Variants in TJP2 observed in about 807,000 individuals in gnomAD.
TJP2 encodes the protein tight junction protein 2.
In TJP2, 91 loss-of-function variants were observed where a neutral mutation model predicts 133.1. The observed-to-expected ratio is 0.68, with a 90% CI of 0.58 to 0.81. The LOEUF (loss-of-function observed/expected upper bound fraction) is 0.81, where lower values mean the gene tolerates loss of function less well. Among genes scored for constraint, TJP2 ranks in the 40% least tolerant of loss-of-function variants. TJP2 has a pLI of 0.00. For missense variants in TJP2, 1,541 were observed against 1,565.6 expected (o/e 0.98, Z 0.26); for synonymous variants, 592 against 583.4 (o/e 1.01, Z -0.21).
In TJP2 at chr9:69,128,036, C is replaced by A. The variant is rs1367872422; in HGVS notation, c.-131+6311C>A. On this transcript the variant is annotated intron_variant, in intron 1 of 5. Transcript: ENST00000423935. ...CAAGCAGTCCTCCTGTCTCGGCCTCCCAAAGTGCTAAGATTATAGGTGTGA... is the reference window on the plus strand; with the variant it reads ...CAAGCAGTCCTCCTGTCTCGGCCTCACAAAGTGCTAAGATTATAGGTGTGA... Among the ~76,000 whole-genome samples the A allele has an allele frequency of 4.0e-5, 3 of 75,190 alleles. 1 individual carries two copies. The highest frequency in any genetic ancestry group is 1.2e-4 in the African/African-American group (3 of 24,510). 49.3% of individuals were successfully genotyped at this position (75,190 alleles called of 152,430 possible).
intron 2 of TJP2, among the ~76,000 whole-genome samples, chr9:69,162,861 G>C (rs1463390733): frequency 6.6e-6 from 1 of 152,126 alleles, no homozygotes; most frequent in Admixed American, 6.5e-5. Context: ...CATAGTTTGA[G>C]TGAATAAACA....
At chr9:69,229,134 G>A (rs759508700) in intron 9 of TJP2, 50 bp from the exon 10 acceptor site, 5 of 1,525,788 alleles carry the variant, frequency 3.3e-6, no homozygotes, top group Non-Finnish European at 4.5e-6. Flanking sequence ...ATTTAGAAAC[G>A]CACTCTTGTT....
At chr9:69,139,314 C>T (rs1303177847) in intron 1 of TJP2, among the ~76,000 whole-genome samples, 2 of 152,168 alleles carry the variant, frequency 1.3e-5, no homozygotes, top group East Asian at 1.9e-4. Flanking sequence ...CAAGTCCTAA[C>T]CCCCAGTTCC....
chr9:69,254,048 T>C (rs1831529744), intron 22 of TJP2, 161 bp from the exon 23 acceptor site: 12 of 838,072 alleles, frequency 1.4e-5, no homozygotes, highest in South Asian at 1.2e-4. Context: ...ATTACGAACC[T>C]GGAGCAGGAC....
intron 1 of TJP2, among the ~76,000 whole-genome samples, chr9:69,150,002 T>C (rs1447782269): frequency 6.6e-6 from 1 of 151,766 alleles, no homozygotes; most frequent in South Asian, 2.1e-4. Flanking sequence ...ATACAAAAAT[T>C]AGCCGGCCGT....
intron 5 of TJP2, among the ~76,000 whole-genome samples, chr9:69,222,512 C>G (rs147683062): frequency 6.6e-5 from 10 of 152,230 alleles, no homozygotes; most frequent in Admixed American, 5.2e-4. Context: ...CCAGCATTGA[C>G]CTAAATGCCT....
intron 11 of TJP2, 132 bp downstream of exon 11, chr9:69,230,364 C>T (rs1028244643): frequency 5.3e-6 from 6 of 1,137,994 alleles, no homozygotes; most frequent in Middle Eastern, 2.8e-4. Flanking sequence ...TGATGCCCAG[C>T]ATTGAAGTCT....
intron 18 of TJP2, among the ~76,000 whole-genome samples, chr9:69,247,456 C>G (rs965966316): frequency 2.6e-5 from 4 of 152,204 alleles, no homozygotes; most frequent in Non-Finnish European, 5.9e-5. Context: ...TTGACAGTGA[C>G]TATTTTGTTG....
chr9:69,251,071 T>C lies in TJP2; in HGVS notation c.3028T>C (p.Ser1010Pro). The C allele has an allele frequency of 6.2e-7, 1 of 1,614,126 alleles. No homozygotes were observed. The highest frequency in any genetic ancestry group is 1.1e-5 in the South Asian group (1 of 91,074). ...TQNKEESYDF[S>P]KSYEYKSNPS... ...GAACAAAGAAGAATCCTATGACTTC[T>C]CCAAATCCTATGAATATAAGTCAAA... Residue 1010 changes from serine (S) to proline (P), a missense_variant, in exon 21 of 23, where the codon TCC becomes CCC. Coordinates refer to ENST00000377245, the MANE Select transcript of TJP2 (RefSeq NM_004817.4).
rs571421991 is a variant in TJP2 at position 69,228,029 on chromosome 9, C to T, written c.1368C>T (p.Pro456=). The T allele has an allele frequency of 6.2e-7, 1 of 1,614,110 alleles. No homozygotes were observed. Among genetic ancestry groups the T allele is most frequent in the Admixed American group, 1.7e-5 (1 of 60,016 alleles). The stretch of plus-strand genomic sequence containing the variant: ...GATTGTCCAGGATGGGTGCGACACC[C>T]ACTCCCTTTAAGTCCACAGGGGATA... ...PSRLSRMGAT[P]TPFKSTGDIA... Residue 456 remains proline, a synonymous_variant, in exon 9 of 23, where the codon CCC becomes CCT. Coordinates refer to ENST00000377245, the MANE Select transcript of TJP2 (RefSeq NM_004817.4).
chr9:69,157,819 A>G (rs775289375), intron 2 of TJP2, among the ~76,000 whole-genome samples: 1 of 152,060 alleles, frequency 6.6e-6, no homozygotes, highest in African/African-American at 2.4e-5. Flanking sequence ...CAGAAATCAG[A>G]GTGTGTGCTT....
At chr9:69,239,196 A>G (rs921231060) in intron 16 of TJP2, among the ~76,000 whole-genome samples, 11 of 152,024 alleles carry the variant, frequency 7.2e-5, no homozygotes, top group Non-Finnish European at 1.5e-4. Flanking sequence ...TCAAAAAAAT[A>G]TATATATAAT....
intron 1 of TJP2, among the ~76,000 whole-genome samples, chr9:69,141,596 TATTA>T (rs993646532): frequency 2.0e-5 from 3 of 152,108 alleles, no homozygotes; most frequent in African/African-American, 7.2e-5. Flanking sequence ...CGGCATTATT[TATTA>T]ATTCATTTTG....
At chr9:69,140,926 C>T (rs1443963864) in intron 1 of TJP2, among the ~76,000 whole-genome samples, 1 of 152,156 alleles carries the variant, frequency 6.6e-6, no homozygotes, top group African/African-American at 2.4e-5. Context: ...GGCTCACTGC[C>T]ACCTCTGCCT....
intron 2 of TJP2, among the ~76,000 whole-genome samples, chr9:69,166,182 G>C (rs1006912782): frequency 6.6e-6 from 1 of 151,930 alleles, no homozygotes. Context: ...GTACGATCTC[G>C]GCTAGGCAGC....
At chr9:69,216,715 C>T (rs1344130852) in intron 3 of TJP2, among the ~76,000 whole-genome samples, 2 of 152,166 alleles carry the variant, frequency 1.3e-5, no homozygotes, top group Admixed American at 1.3e-4. Flanking sequence ...TCCAAACATC[C>T]CTCCTAGGTT....
chr9:69,121,387 C>CG, upstream of TJP2: 1 of 978,784 alleles, frequency 1.0e-6, no homozygotes, highest in Non-Finnish European at 1.2e-6. Context: ...CGCCCACCCC[C>CG]TTCCCCTCCC....
At chr9:69,204,626 C>T (rs371187215) in intron 1 of TJP2, among the ~76,000 whole-genome samples, 4 of 152,320 alleles carry the variant, frequency 2.6e-5, no homozygotes, top group African/African-American at 9.6e-5. Context: ...GTCTTATCTT[C>T]CCCTTGTTAT....
chr9:69,253,529 T>G (rs1831491674), intron 22 of TJP2: 1 of 158,682 alleles, frequency 6.3e-6, no homozygotes. Flanking sequence ...CTCAGCTCAC[T>G]GCAACCTCCG....
Sources: gnomAD v4.1 joint callset for allele counts (sites outside exome capture counted in the v4.1 genomes callset) on GRCh38, gnomAD v4.1.1 for gene constraint, MANE v1.5 for transcripts, NCBI Gene and HGNC (gene_info 2026-07-23, HGNC 2026-07-21) for gene names.